DBNDD1: variants seen among roughly 807,000 people sequenced by gnomAD.
DBNDD1 encodes the protein dysbindin domain-containing protein 1.
Under a neutral mutation model 17.0 loss-of-function variants are expected in DBNDD1, and 14 were observed. The ratio of observed to expected loss-of-function variants is 0.82; its 90% CI spans 0.54 to 1.29. DBNDD1 has a LOEUF of 1.29. DBNDD1 is among the 50% of genes most tolerant of loss of function. The pLI, the probability that DBNDD1 is intolerant of heterozygous loss-of-function variation, is 0.00. For missense variants in DBNDD1, 221 were observed against 216.2 expected (o/e 1.02, Z -0.14); for synonymous variants, 105 against 102.0 (o/e 1.03, Z -0.18).
In DBNDD1 at chr16:90,019,145, G is replaced by A. The variant is rs1469417858; in HGVS notation, c.31+166C>T. On this transcript the variant is annotated intron_variant, in intron 1 of 3. Transcript: ENST00000002501. This position sits in a 1 kb window ranked among gnomAD's most constrained non-coding sequence, Gnocchi z 6.1. ...GGTCCGTGTGCCCCCAGCCCCGCGC[G>A]GGGACCGCGCCCGGGAGGTGCCCCT... Among the ~76,000 whole-genome samples, 2 of 152,170 alleles carry A rather than the reference G, an allele frequency of 1.3e-5. No individual in the cohort carries two copies. Among genetic ancestry groups the A allele is most frequent in the Non-Finnish European group, 2.9e-5 (2 of 68,014 alleles).
intron 1 of DBNDD1, chr16:90,010,181 G>A (rs1018293577): frequency 1.3e-6 from 1 of 750,694 alleles, no homozygotes. Context: ...GAGTAGATGG[G>A]ATTACAGGCA....
rs2035582249 is a variant in DBNDD1, at chr16:90,013,062, A to G, written c.32-3632T>C. On this transcript the variant is annotated intron_variant, in intron 1 of 3. Coordinates refer to ENST00000002501, the MANE Select transcript of DBNDD1 (RefSeq NM_001042610.3). Reference sequence around the variant, plus strand: ...TGGGGCCAGAGTAGTTCTGCAGAGAATCTCTGGGGACAGCACCCTCAGAGG... The same window carrying G: ...TGGGGCCAGAGTAGTTCTGCAGAGAGTCTCTGGGGACAGCACCCTCAGAGG... Among the ~76,000 whole-genome samples, 5 of 151,818 alleles carry G rather than the reference A, an allele frequency of 3.3e-5. No homozygotes were observed. The South Asian group carries it at 1.0e-3, about 32-fold the overall frequency.
rs1175466021 is a variant in DBNDD1 at position 90,005,552 on chromosome 16, G to C, written c.*783C>G. The C allele has an allele frequency of 6.6e-6, 1 of 152,418 alleles. No homozygotes were observed. Among genetic ancestry groups the C allele is most frequent in the East Asian group, 1.9e-4 (1 of 5,212 alleles). 9.4% of individuals were successfully genotyped at this position (152,418 alleles called of 1,614,324 possible). On this transcript the variant is annotated 3_prime_UTR_variant, in exon 4 of 4. Transcript: ENST00000002501. ...AAACGAGAATGTGGCCTAGCAGTGG[G>C]TGCAGGACAAGGAGAGGTGAACCCC...
intron 1 of DBNDD1, among the ~76,000 whole-genome samples, chr16:90,012,548 C>A (rs541200638): frequency 6.6e-6 from 1 of 151,926 alleles, no homozygotes; most frequent in Admixed American, 6.6e-5. Context: ...AAACCTCCGC[C>A]TCCTGGGTTC....
rs562742222 is a variant in DBNDD1 at position 90,016,652 on chromosome 16, AG to A, written c.31+2658del. On this transcript the variant is annotated intron_variant, in intron 1 of 3. Coordinates refer to ENST00000002501, the MANE Select transcript of DBNDD1 (RefSeq NM_001042610.3). ...AGGGAGCCAGGAGTTGGGGTGCCTC[AG>A]CCCGGCCCCCCAGGCTTCCCTGAGG... 9.9e-5 allele frequency among the ~76,000 whole-genome samples: 15 copies of A among 152,278 alleles called. No homozygotes were observed. In the East Asian group the frequency reaches 2.7e-3, roughly 27 times the overall value.
intron 3 of DBNDD1, chr16:90,007,526 A>G (rs1049656661): frequency 2.2e-4 from 34 of 152,256 alleles, no homozygotes; most frequent in African/African-American, 8.2e-4. Flanking sequence ...GAGACACGAC[A>G]ATGGCCGTGC....
At position 90,016,892 on chromosome 16, in the gene DBNDD1, C is replaced by G. The variant is rs374562583; in HGVS notation, c.31+2419G>C. Among the ~76,000 whole-genome samples the G allele has an allele frequency of 3.3e-5, 5 of 152,320 alleles. No homozygotes were observed. In the East Asian group the frequency reaches 7.7e-4, roughly 24 times the overall value. On this transcript the variant is annotated intron_variant, in intron 1 of 3. Coordinates refer to ENST00000002501, the MANE Select transcript of DBNDD1 (RefSeq NM_001042610.3). ...CTAAATGGCTGGAAGGAGAGATGGT[C>G]GCAGAGGCAGGGGCCACCTGCCCCC... is the stretch of plus-strand genomic sequence containing the variant.
intron 3 of DBNDD1, among the ~76,000 whole-genome samples, chr16:90,008,019 A>C (rs373051007): frequency 8.9e-5 from 7 of 79,090 alleles, no homozygotes; most frequent in East Asian, 8.9e-4. Flanking sequence ...CCCCAAACAC[A>C]CCTCCCAGGA....
chr16:90,018,252 A>C lies in DBNDD1; in HGVS notation c.31+1059T>G, dbSNP rs529145560. Among the ~76,000 whole-genome samples, 23 of 152,376 alleles carry C rather than the reference A, an allele frequency of 1.5e-4. No homozygotes were observed. In the East Asian group the frequency reaches 1.5e-3, roughly 10 times the overall value. Reference sequence around the variant, plus strand: ...AGCCTGGGACTATCAGTGTTAAGAAAGAGCTCTGGTCCCTCCCACAAATGA... The same window carrying C: ...AGCCTGGGACTATCAGTGTTAAGAACGAGCTCTGGTCCCTCCCACAAATGA... On this transcript the variant is annotated intron_variant, in intron 1 of 3. Transcript: ENST00000002501.
Position 90,008,783 on chromosome 16 carries a change from CCTG to C in DBNDD1, c.317_319del (p.Ala106del). The C allele has an allele frequency of 6.3e-7, 1 of 1,594,440 alleles. No homozygotes were observed. The highest frequency in any genetic ancestry group is 8.6e-7 in the Non-Finnish European group (1 of 1,167,028). On this transcript the variant is annotated inframe_deletion and splice_region_variant, in exon 3 of 4. Coordinates refer to ENST00000002501, the MANE Select transcript of DBNDD1 (RefSeq NM_001042610.3). ...CAGCCCAGCCCTGATGCCGGCCTCA[CCTG>C]CTGGGGACTCGGTGTTGAGGTTCTC...
intron 1 of DBNDD1, chr16:90,009,689 G>T: frequency 1.6e-6 from 1 of 632,908 alleles, no homozygotes; most frequent in Non-Finnish European, 2.7e-6. Context: ...GATCACCTTT[G>T]GTACGCAAGC....
intron 3 of DBNDD1, among the ~76,000 whole-genome samples, chr16:90,007,918 G>A (rs1334392919): frequency 1.1e-4 from 17 of 151,186 alleles, no homozygotes; most frequent in African/African-American, 4.1e-4. Context: ...GACGTCCCAA[G>A]GGGCCTCACC....
At chr16:90,012,096 G>T (rs1450024524) in intron 1 of DBNDD1, among the ~76,000 whole-genome samples, 1 of 152,252 alleles carries the variant, frequency 6.6e-6, no homozygotes, top group Non-Finnish European at 1.5e-5. Flanking sequence ...GCGTAGCCCT[G>T]TCCTAGCCTC....
At chr16:90,019,734 G>A, upstream of DBNDD1, 1 of 656,872 alleles carries the variant, frequency 1.5e-6, no homozygotes, top group South Asian at 1.6e-5. The surrounding 1 kb of genome is among the most constrained non-coding windows in gnomAD (Gnocchi z 6.1). Context: ...TCACTTGGCG[G>A]CCGCGCCCGC....
chr16:90,015,005 C>CAA (rs35736879), intron 1 of DBNDD1, among the ~76,000 whole-genome samples: 8,108 of 140,468 alleles, frequency 0.058, 383 homozygotes, highest in East Asian at 0.18. Flanking sequence ...ACTCTTGTTT[C>CAA]AAAAAAAAAA....
Position 90,006,135 on chromosome 16 carries a change from C to T in DBNDD1, c.*200G>A. On this transcript the variant is annotated 3_prime_UTR_variant, in exon 4 of 4. Coordinates refer to ENST00000002501, the MANE Select transcript of DBNDD1 (RefSeq NM_001042610.3). ...GTGTCCCCCAGGAAAGCCGGCTGGTCTCCAAGTGAGGCGAAGACCCGTGCC... is the reference window on the plus strand; with the variant it reads ...GTGTCCCCCAGGAAAGCCGGCTGGTTTCCAAGTGAGGCGAAGACCCGTGCC... 1 of 778,134 alleles carries T rather than the reference C, an allele frequency of 1.3e-6. No individual in the cohort carries two copies. The highest frequency in any genetic ancestry group is 2.2e-5 in the South Asian group (1 of 45,090). The allele number at this position is 778,134 out of a possible 1,614,324, so 48.2% of individuals were successfully genotyped here. A position where few individuals can be genotyped will look rare whatever the true frequency, so the allele number is the denominator to read the frequency against.
At chr16:90,010,834 C>A (rs909500121) in intron 1 of DBNDD1, among the ~76,000 whole-genome samples, 1 of 152,236 alleles carries the variant, frequency 6.6e-6, no homozygotes, top group Admixed American at 6.5e-5. Context: ...GCCAGTGAGT[C>A]CTGTTAGTCA....
At chr16:90,014,220 G>T (rs1175827629) in intron 1 of DBNDD1, among the ~76,000 whole-genome samples, 2 of 151,788 alleles carry the variant, frequency 1.3e-5, no homozygotes, top group Non-Finnish European at 2.9e-5. Flanking sequence ...TCCACCTCCT[G>T]GGTTCAAGGG....
intron 1 of DBNDD1, among the ~76,000 whole-genome samples, chr16:90,016,039 G>A (rs918145875): frequency 6.6e-6 from 1 of 152,212 alleles, no homozygotes; most frequent in Non-Finnish European, 1.5e-5. Context: ...TGGAAACAAA[G>A]GTTGATCTTG....
Sources: allele counts gnomAD v4.1 joint callset (sites outside exome capture counted in the v4.1 genomes callset), GRCh38; gene constraint gnomAD v4.1.1; non-coding constraint Gnocchi (gnomAD v3.1); transcripts MANE v1.5; gene names NCBI Gene and HGNC (gene_info 2026-07-23, HGNC 2026-07-21).